CSMD3: variants seen among roughly 807,000 people sequenced by gnomAD.
CSMD3 encodes the protein CUB and sushi domain-containing protein 3.
CSMD3 carries 177 observed loss-of-function variants against 435.2 expected under a neutral mutation model. That is an observed-to-expected ratio of 0.41 (90% CI 0.36 to 0.46). The LOEUF (loss-of-function observed/expected upper bound fraction) is 0.46, where lower values mean the gene tolerates loss of function less well. CSMD3 is among the 20% of genes least tolerant of loss of function. The pLI, the probability that CSMD3 is intolerant of heterozygous loss-of-function variation, is 0.34. For synonymous variants in CSMD3, 1,656 were observed against 1,520.5 expected, an observed-to-expected ratio of 1.09 and a Z score of -2.07; for missense variants, 4,265 against 4,504.6, an observed-to-expected ratio of 0.95 and a Z score of 1.52.
At position 112,339,124 on chromosome 8, in the gene CSMD3, CT is replaced by C. The variant is rs202142259; in HGVS notation, c.6653-1394del. Among the ~76,000 whole-genome samples, 985 of 152,134 alleles carry C rather than the reference CT, an allele frequency of 6.5e-3. 7 individuals are homozygous for C. Among genetic ancestry groups the C allele is most frequent in the African/African-American group, 0.022 (913 of 41,512 alleles). On this transcript the variant is annotated intron_variant, in intron 42 of 70. Coordinates refer to ENST00000297405, the MANE Select transcript of CSMD3 (RefSeq NM_198123.2). ...GCAACTCCATCTGCAAACCCCTCAC[CT>C]TTTTGGCCCAGCAGATGAGAAATTG...
intron 11 of CSMD3, among the ~76,000 whole-genome samples, chr8:112,856,978 T>G (rs1228492802): frequency 6.6e-6 from 1 of 151,838 alleles, no homozygotes; most frequent in African/African-American, 2.4e-5. Context: ...ATGAAATTAA[T>G]TTAGTGGGAC....
intron 1 of CSMD3, among the ~76,000 whole-genome samples, chr8:113,429,652 C>T (rs1169025742): frequency 6.6e-6 from 1 of 152,004 alleles, no homozygotes; most frequent in Non-Finnish European, 1.5e-5. Flanking sequence ...ATTACTAATA[C>T]TAATTGATAT....
At chr8:112,610,014 G>C (rs1254951761) in intron 22 of CSMD3, among the ~76,000 whole-genome samples, 10 of 152,042 alleles carry the variant, frequency 6.6e-5, no homozygotes. Flanking sequence ...ACAAAGGTGG[G>C]GGGTAGGGGA....
chr8:112,262,920 T>A (rs1234496153), intron 61 of CSMD3, among the ~76,000 whole-genome samples: 1 of 152,024 alleles, frequency 6.6e-6, no homozygotes, highest in African/African-American at 2.4e-5. Flanking sequence ...AATGTCAAGG[T>A]CATGAGACAG....
At chr8:113,193,941 A>G (rs1481497197) in intron 3 of CSMD3, among the ~76,000 whole-genome samples, 2 of 151,476 alleles carry the variant, frequency 1.3e-5, no homozygotes, top group Non-Finnish European at 3.0e-5. Context: ...AATAAGACTC[A>G]TTTTTATTTA....
At position 112,979,379 on chromosome 8, in the gene CSMD3, T is replaced by C. The variant is rs1274828474; in HGVS notation, c.1031-3231A>G. Among the ~76,000 whole-genome samples, 26 of 151,680 alleles carry C rather than the reference T, an allele frequency of 1.7e-4. No individual in the cohort carries two copies. In the Admixed American group the frequency reaches 1.7e-3, roughly 10 times the overall value. The stretch of plus-strand genomic sequence containing the variant: ...GTTATGTCATATATTGCATTTACCA[T>C]TTTATTTTAATATTAATGGTTTGAA... On this transcript the variant is annotated intron_variant, in intron 6 of 70. Coordinates refer to ENST00000297405, the MANE Select transcript of CSMD3 (RefSeq NM_198123.2).
At chr8:112,508,388 A>T (rs546044507) in intron 28 of CSMD3, among the ~76,000 whole-genome samples, 4 of 152,254 alleles carry the variant, frequency 2.6e-5, no homozygotes, top group African/African-American at 9.6e-5. Context: ...AGACCCTACC[A>T]GTTCCGATTC....
intron 5 of CSMD3, among the ~76,000 whole-genome samples, chr8:113,066,460 T>G (rs1482727205): frequency 1.3e-5 from 2 of 152,114 alleles, no homozygotes; most frequent in African/African-American, 4.8e-5. Context: ...TGATGAATAA[T>G]TCTAAAGATT....
intron 3 of CSMD3, among the ~76,000 whole-genome samples, chr8:113,200,739 T>C (rs1162192718): frequency 3.3e-5 from 5 of 151,322 alleles, no homozygotes; most frequent in Admixed American, 2.0e-4. Context: ...CTTCCAGTCT[T>C]ACGTTAAATG....
At chr8:113,130,693 A>G (rs2091262564) in intron 4 of CSMD3, among the ~76,000 whole-genome samples, 1 of 152,142 alleles carries the variant, frequency 6.6e-6, no homozygotes, top group Admixed American at 6.6e-5. Context: ...AGTGGAAGTG[A>G]CTTTGGAACT....
intron 10 of CSMD3, among the ~76,000 whole-genome samples, chr8:112,869,058 G>A (rs995823136): frequency 1.3e-5 from 2 of 152,106 alleles, no homozygotes; most frequent in African/African-American, 4.8e-5. Flanking sequence ...TGGGGATTTT[G>A]GTGGATTCAT....
At chr8:112,729,839 T>C (rs1202637037) in intron 13 of CSMD3, among the ~76,000 whole-genome samples, 1 of 152,110 alleles carries the variant, frequency 6.6e-6, no homozygotes, top group Non-Finnish European at 1.5e-5. Flanking sequence ...GATTATTCCC[T>C]TTACAAAGCC....
chr8:112,969,344 T>C (rs2130901826), intron 7 of CSMD3, among the ~76,000 whole-genome samples: 1 of 152,112 alleles, frequency 6.6e-6, no homozygotes, highest in South Asian at 2.1e-4. Context: ...AATTAACCAT[T>C]CTTACCTTAA....
chr8:112,817,036 T>G (rs1409627415), intron 12 of CSMD3, among the ~76,000 whole-genome samples: 1 of 152,120 alleles, frequency 6.6e-6, no homozygotes, highest in Non-Finnish European at 1.5e-5. Context: ...TTTTTTACCT[T>G]CTTTAAGATG....
chr8:113,134,386 C>T lies in CSMD3; in HGVS notation c.710-35423G>A, dbSNP rs192083487. On this transcript the variant is annotated intron_variant, in intron 4 of 70. Coordinates refer to ENST00000297405, the MANE Select transcript of CSMD3 (RefSeq NM_198123.2). ...GACCCAATGTTCTATATGTATTAGA[C>T]ATATTTTAGTTTTAAGAGCATGATT... is the stretch of plus-strand genomic sequence containing the variant. Among the ~76,000 whole-genome samples, 12 of 152,060 alleles carry T rather than the reference C, an allele frequency of 7.9e-5. No homozygotes were observed. In the East Asian group the frequency reaches 1.6e-3, roughly 20 times the overall value.
intron 62 of CSMD3, among the ~76,000 whole-genome samples, chr8:112,254,915 T>C (rs1815635867): frequency 1.3e-5 from 2 of 152,208 alleles, no homozygotes; most frequent in Admixed American, 1.3e-4. Context: ...TAGATATTTT[T>C]GGAGCAAATC....
At chr8:113,074,731 C>T (rs7014643) in intron 5 of CSMD3, among the ~76,000 whole-genome samples, 101,920 of 151,570 alleles carry the variant, frequency 0.67, 35,873 homozygotes, top group East Asian at 0.95. Flanking sequence ...ACAGATATTG[C>T]ACAACTGTGT....
intron 32 of CSMD3, among the ~76,000 whole-genome samples, chr8:112,438,184 C>CA (rs1814587984): frequency 6.6e-6 from 1 of 152,092 alleles, no homozygotes; most frequent in South Asian, 2.1e-4. Context: ...AAACAAACAA[C>CA]AAAAAGAAGG....
At position 113,146,483 on chromosome 8, in the gene CSMD3, C is replaced by A. The variant is rs1400196974; in HGVS notation, c.709+27239G>T. 7.3e-5 allele frequency among the ~76,000 whole-genome samples: 11 copies of A among 151,502 alleles called. No individual in the cohort carries two copies. In the Admixed American group the frequency reaches 7.3e-4, roughly 10 times the overall value. On this transcript the variant is annotated intron_variant, in intron 4 of 70. Coordinates refer to ENST00000297405, the MANE Select transcript of CSMD3 (RefSeq NM_198123.2). ...AGAGAATACACTTTTAAAAGCCTAA[C>A]TGGAATATATGAACAATGAAAAATT...
Sources: allele counts gnomAD v4.1 joint callset (sites outside exome capture counted in the v4.1 genomes callset), GRCh38; gene constraint gnomAD v4.1.1; transcripts MANE v1.5; gene names NCBI Gene and HGNC (gene_info 2026-07-23, HGNC 2026-07-21).